The following CAMK1D variants were observed in gnomAD, a reference collection of about 807,000 sequenced individuals.
The protein encoded by CAMK1D is calcium/calmodulin dependent protein kinase ID.
In CAMK1D, 9 loss-of-function variants were observed where a neutral mutation model predicts 47.7. That is an observed-to-expected ratio of 0.19 (90% CI 0.11 to 0.33). The LOEUF is 0.33. CAMK1D is among the 10% of genes least tolerant of loss of function. CAMK1D has a pLI of 1.00. For missense variants in CAMK1D, 291 were observed against 488.7 expected, an observed-to-expected ratio of 0.60 and a Z score of 3.81; for synonymous variants, 184 against 184.9, an observed-to-expected ratio of 0.99 and a Z score of 0.04.
At chr10:12,681,456 C>A (rs534319647) in intron 3 of CAMK1D, among the ~76,000 whole-genome samples, 113 of 152,380 alleles carry the variant, frequency 7.4e-4, no homozygotes, top group Non-Finnish European at 1.5e-3. Context: ...CTGCAGCCTC[C>A]GCTCCTGCAG....
At chr10:12,826,845 C>A (rs1054424915) in intron 10 of CAMK1D, among the ~76,000 whole-genome samples, 2 of 152,232 alleles carry the variant, frequency 1.3e-5, no homozygotes, top group African/African-American at 4.8e-5. Context: ...ACGATGGATC[C>A]CTTCTTTACA....
chr10:12,571,269 A>G (rs1395612374), intron 2 of CAMK1D, among the ~76,000 whole-genome samples: 2 of 151,168 alleles, frequency 1.3e-5, no homozygotes, highest in Middle Eastern at 3.2e-3. Context: ...GCACAGTGAA[A>G]CCCCCGTCTC....
At chr10:12,777,735 G>A (rs1469934829) in intron 5 of CAMK1D, among the ~76,000 whole-genome samples, 1 of 152,190 alleles carries the variant, frequency 6.6e-6, no homozygotes, top group East Asian at 1.9e-4. Flanking sequence ...GGAAGAAGGT[G>A]AAACGGGTCT....
chr10:12,722,438 C>A (rs55665114), intron 3 of CAMK1D, among the ~76,000 whole-genome samples: 1 of 102,660 alleles, frequency 9.7e-6, no homozygotes, highest in African/African-American at 4.3e-5. Context: ...CAAAGTGAGA[C>A]TCCGCCTCAA....
intron 2 of CAMK1D, among the ~76,000 whole-genome samples, chr10:12,626,845 C>T (rs753287371): frequency 5.9e-5 from 9 of 152,118 alleles, no homozygotes; most frequent in Non-Finnish European, 1.2e-4. Flanking sequence ...ACATCATCTA[C>T]TGATGTTGTA....
chr10:12,723,597 T>C (rs752088232), intron 3 of CAMK1D, among the ~76,000 whole-genome samples: 1 of 152,212 alleles, frequency 6.6e-6, no homozygotes, highest in African/African-American at 2.4e-5. Flanking sequence ...ATCAGCCTAC[T>C]TATGAATGAA....
chr10:12,765,996 G>A (rs1193627462), intron 4 of CAMK1D, among the ~76,000 whole-genome samples: 2 of 117,456 alleles, frequency 1.7e-5, no homozygotes, highest in East Asian at 2.4e-4. Flanking sequence ...ACAGAGTTTC[G>A]CTCTTGTTGC....
chr10:12,543,929 C>T (rs1836280202), intron 1 of CAMK1D, among the ~76,000 whole-genome samples: 2 of 152,158 alleles, frequency 1.3e-5, no homozygotes, highest in Non-Finnish European at 2.9e-5. Context: ...TTTCCAGAGC[C>T]ATCATTTATG....
At chr10:12,726,133 A>G (rs1806312295) in intron 3 of CAMK1D, among the ~76,000 whole-genome samples, 1 of 151,942 alleles carries the variant, frequency 6.6e-6, no homozygotes, top group Non-Finnish European at 1.5e-5. Flanking sequence ...AATGTTACAA[A>G]GGGAATACTG....
In CAMK1D at chr10:12,510,621, G is replaced by A. The variant is rs559706563; in HGVS notation, c.93-42604G>A. Among the ~76,000 whole-genome samples, 4 of 152,336 alleles carry A rather than the reference G, an allele frequency of 2.6e-5. No individual in the cohort carries two copies. The South Asian group carries it at 8.3e-4, about 32-fold the overall frequency. Reference sequence around the variant, plus strand: ...AGACTCTTTGCCAAGGGAACTTGTGGTCTTGCTGCCAGTGCCACCTCCGGG... The same window carrying A: ...AGACTCTTTGCCAAGGGAACTTGTGATCTTGCTGCCAGTGCCACCTCCGGG... On this transcript the variant is annotated intron_variant, in intron 1 of 10. Coordinates refer to ENST00000619168, the MANE Select transcript of CAMK1D (RefSeq NM_153498.4).
At chr10:12,503,260 G>C (rs1834762566) in intron 1 of CAMK1D, among the ~76,000 whole-genome samples, 1 of 152,160 alleles carries the variant, frequency 6.6e-6, no homozygotes, top group African/African-American at 2.4e-5. Flanking sequence ...TGTGCCGCTG[G>C]GATTTTGGGA....
Position 12,600,885 on chromosome 10 carries a change from T to C in CAMK1D, c.224+47529T>C, listed in dbSNP as rs187929346. The stretch of plus-strand genomic sequence containing the variant: ...GGGTGAGAACATGTGGTATTTAGCT[T>C]TCTGTTTCTGAGTTATTTCACTTAA... On this transcript the variant is annotated intron_variant, in intron 2 of 10. Coordinates refer to ENST00000619168, the MANE Select transcript of CAMK1D (RefSeq NM_153498.4). Among the ~76,000 whole-genome samples, 354 of 152,360 alleles carry C rather than the reference T, an allele frequency of 2.3e-3. 1 individual carries two copies. In the Middle Eastern group the frequency reaches 0.034, roughly 15 times the overall value.
Position 12,423,031 on chromosome 10 carries a change from G to C in CAMK1D, c.92+73121G>C, listed in dbSNP as rs562008610. Among the ~76,000 whole-genome samples the C allele has an allele frequency of 2.0e-5, 3 of 152,148 alleles. No homozygotes were observed. The South Asian group carries it at 6.2e-4, about 32-fold the overall frequency. Reference sequence around the variant, plus strand: ...ACTATGACTTGTTTCTTTTGGGGAGGGTTTGCTTTTGTACATGAAACTTGG... The same window carrying C: ...ACTATGACTTGTTTCTTTTGGGGAGCGTTTGCTTTTGTACATGAAACTTGG... On this transcript the variant is annotated intron_variant, in intron 1 of 10. Transcript: ENST00000619168.
At chr10:12,764,390 A>AAAAAAAAC (rs1836651058) in intron 4 of CAMK1D, among the ~76,000 whole-genome samples, 1 of 151,308 alleles carries the variant, frequency 6.6e-6, no homozygotes, top group Non-Finnish European at 1.5e-5. Context: ...TCAAAAAAAA[A>AAAAAAAAC]AAAAAAAACA....
At chr10:12,430,498 GAATT>G (rs1054618769) in intron 1 of CAMK1D, among the ~76,000 whole-genome samples, 2 of 152,294 alleles carry the variant, frequency 1.3e-5, no homozygotes, top group African/African-American at 4.8e-5. Context: ...CAAGTCATTT[GAATT>G]AATTACACGA....
chr10:12,737,986 G>GT (rs1366261615), intron 3 of CAMK1D, among the ~76,000 whole-genome samples: 2 of 152,142 alleles, frequency 1.3e-5, no homozygotes, highest in African/African-American at 2.4e-5. Flanking sequence ...TATACTCAGT[G>GT]TAAAATCAAA....
intron 3 of CAMK1D, among the ~76,000 whole-genome samples, chr10:12,675,941 TTTTGTTTG>T (rs141969944): frequency 4.6e-5 from 7 of 151,778 alleles, no homozygotes; most frequent in African/African-American, 7.3e-5. Flanking sequence ...TTTTTTTATG[TTTTGTTTG>T]TTTGTTTGTT....
chr10:12,672,490 TC>T (rs1421202991), intron 3 of CAMK1D, among the ~76,000 whole-genome samples: 2 of 151,954 alleles, frequency 1.3e-5, no homozygotes, highest in African/African-American at 2.4e-5. Flanking sequence ...TGCCTCAGCT[TC>T]CCAAGTAGCT....
chr10:12,643,554 ATGCGAGGGATCTAGGTTGTG>A (rs1286261894), intron 2 of CAMK1D, among the ~76,000 whole-genome samples: 2 of 152,162 alleles, frequency 1.3e-5, no homozygotes, highest in Non-Finnish European at 2.9e-5. Flanking sequence ...TGAACTGCGC[ATGCGAGGGATCTAGGTTGTG>A]TGCTCCTGAT....
Sources: allele counts gnomAD v4.1 joint callset (sites outside exome capture counted in the v4.1 genomes callset), GRCh38; gene constraint gnomAD v4.1.1; transcripts MANE v1.5; gene names NCBI Gene and HGNC (gene_info 2026-07-23, HGNC 2026-07-21).